CIT: variants seen among roughly 807,000 people sequenced by gnomAD.
The protein encoded by CIT is citron rho-interacting serine/threonine kinase.
A neutral mutation model predicts 272.7 loss-of-function variants in CIT; 79 were observed. The ratio of observed to expected loss-of-function variants is 0.29; its 90% CI spans 0.24 to 0.35. The LOEUF (loss-of-function observed/expected upper bound fraction) is 0.35, where lower values mean the gene tolerates loss of function less well. CIT is among the 10% of genes least tolerant of loss of function. The pLI, the probability that CIT is intolerant of heterozygous loss-of-function variation, is 1.00. For missense variants in CIT, 1,909 were observed against 2,618.3 expected, an observed-to-expected ratio of 0.73 and a Z score of 5.91; for synonymous variants, 948 against 995.6, an observed-to-expected ratio of 0.95 and a Z score of 0.90.
chr12:119,688,275 G>GAGA lies in CIT; in HGVS notation c.6187-21_6187-20insTCT, dbSNP rs2136891430. 1 of 1,613,374 alleles carries GAGA rather than the reference G, an allele frequency of 6.2e-7. No homozygotes were observed. Among genetic ancestry groups the GAGA allele is most frequent in the Non-Finnish European group, 8.5e-7 (1 of 1,179,300 alleles). ...CCAGACCTAGGAGTGAAATAAGGAGGAGTGTTAGCCATCCGAGGCCAGAAG... is the reference window on the plus strand; with the variant it reads ...CCAGACCTAGGAGTGAAATAAGGAGGAGAAGTGTTAGCCATCCGAGGCCAGAAG... On this transcript the variant is annotated intron_variant, in intron 47 of 47. Coordinates refer to ENST00000392521, the MANE Select transcript of CIT (RefSeq NM_001206999.2).
At chr12:119,825,461 C>A in intron 7 of CIT, 93 bp from the exon 8 acceptor site, 1 of 1,161,668 alleles carries the variant, frequency 8.6e-7, no homozygotes. Flanking sequence ...GCTGATTTGC[C>A]ACTGATTACT....
intron 26 of CIT, among the ~76,000 whole-genome samples, chr12:119,733,233 A>G (rs1031955909): frequency 2.9e-5 from 4 of 139,992 alleles, no homozygotes; most frequent in African/African-American, 7.7e-5. Flanking sequence ...AAGAAAGGAG[A>G]AAAAAAAAAA....
At chr12:119,706,495 G>A (rs929881245) in intron 40 of CIT, among the ~76,000 whole-genome samples, 2 of 151,838 alleles carry the variant, frequency 1.3e-5, no homozygotes, top group African/African-American at 2.4e-5. Flanking sequence ...GTGTCCATGT[G>A]TTCTCATCAT....
intron 44 of CIT, among the ~76,000 whole-genome samples, chr12:119,698,350 G>A (rs1956348585): frequency 1.3e-5 from 2 of 152,190 alleles, no homozygotes; most frequent in Admixed American, 6.5e-5. Flanking sequence ...AGCACTTTGG[G>A]AGGCCAAGGC....
intron 14 of CIT, 117 bp downstream of exon 14, chr12:119,776,554 AG>A: frequency 8.7e-7 from 1 of 1,155,570 alleles, no homozygotes; most frequent in Non-Finnish European, 1.2e-6. Context: ...GAGTTTTCCA[AG>A]GTATCCTACT....
chr12:119,711,409 C>T (rs760178702), intron 37 of CIT, among the ~76,000 whole-genome samples: 10 of 152,138 alleles, frequency 6.6e-5, no homozygotes, highest in Non-Finnish European at 1.2e-4. Context: ...AACCTGCCTA[C>T]GGAAGAGCAA....
chr12:119,792,081 T>C (rs980237655), intron 10 of CIT, among the ~76,000 whole-genome samples: 6 of 152,196 alleles, frequency 3.9e-5, no homozygotes, highest in Admixed American at 2.6e-4. Context: ...GAGAATACAA[T>C]GTGTACTCCT....
chr12:119,711,297 A>G (rs1056524776), intron 37 of CIT, among the ~76,000 whole-genome samples: 1 of 152,234 alleles, frequency 6.6e-6, no homozygotes, highest in Non-Finnish European at 1.5e-5. Flanking sequence ...GCAAACGTCA[A>G]TGAGCAATGA....
chr12:119,840,958 G>C (rs1969369355), intron 5 of CIT, among the ~76,000 whole-genome samples: 1 of 152,108 alleles, frequency 6.6e-6, no homozygotes. Flanking sequence ...CTTTCAAATT[G>C]TTCCTATATA....
chr12:119,831,592 G>A (rs1410460545), intron 7 of CIT, among the ~76,000 whole-genome samples: 3 of 152,202 alleles, frequency 2.0e-5, no homozygotes, highest in Non-Finnish European at 2.9e-5. Context: ...AAAAAGAGCC[G>A]GGCGCAGTGG....
chr12:119,826,885 G>GT (rs1232788780), intron 7 of CIT, among the ~76,000 whole-genome samples: 11 of 152,268 alleles, frequency 7.2e-5, no homozygotes, highest in African/African-American at 2.6e-4. Context: ...TGAATGTTTA[G>GT]TGAGGACGTG....
At chr12:119,726,876 A>T (rs1421736054) in intron 28 of CIT, among the ~76,000 whole-genome samples, 1 of 152,192 alleles carries the variant, frequency 6.6e-6, no homozygotes, top group Non-Finnish European at 1.5e-5. Context: ...CCATCACGTA[A>T]GGGATGGGTT....
chr12:119,793,500 A>G (rs1465978804), intron 10 of CIT, among the ~76,000 whole-genome samples: 2 of 152,154 alleles, frequency 1.3e-5, no homozygotes, highest in Admixed American at 6.5e-5. Flanking sequence ...CCTATTCAAA[A>G]TCCTGCAAAA....
In CIT at chr12:119,868,090, G is replaced by C. The variant is rs538873679; in HGVS notation, c.238+970C>G. ...CAGAGAAAAAAGCAAAAATTAGCTGGGCGTGGTAGTGTGAGCCTGTAGTCC... is the reference window on the plus strand; with the variant it reads ...CAGAGAAAAAAGCAAAAATTAGCTGCGCGTGGTAGTGTGAGCCTGTAGTCC... On this transcript the variant is annotated intron_variant, in intron 3 of 47. Coordinates refer to ENST00000392521, the MANE Select transcript of CIT (RefSeq NM_001206999.2). Among the ~76,000 whole-genome samples the C allele has an allele frequency of 5.3e-5, 8 of 152,156 alleles. No individual in the cohort carries two copies. The South Asian group carries it at 1.5e-3, about 28-fold the overall frequency.
rs776381451 is a variant in CIT at position 119,735,228 on chromosome 12, G to A, written c.3088C>T (p.Arg1030Ter). 2 of 1,614,000 alleles carry A rather than the reference G, an allele frequency of 1.2e-6. No homozygotes were observed. Among genetic ancestry groups the A allele is most frequent in the South Asian group, 1.1e-5 (1 of 91,078 alleles). ...SGANDEIVQLRSEVDHLRREI... is the reference protein window; with the variant it reads ...SGANDEIVQL ...CGGCGGAGATGGTCCACTTCACTTCGCAGTTGTACAATCTCGTCGTTGGCG... is the reference window on the plus strand; with the variant it reads ...CGGCGGAGATGGTCCACTTCACTTCACAGTTGTACAATCTCGTCGTTGGCG... Residue 1030 changes from arginine to a stop codon, truncating the protein, a stop_gained, in exon 25 of 48, where the codon CGA becomes TGA. Coordinates refer to ENST00000392521, the MANE Select transcript of CIT (RefSeq NM_001206999.2). LOFTEE classifies it high-confidence loss of function.
chr12:119,695,991 C>G (rs1031237903), intron 46 of CIT, among the ~76,000 whole-genome samples: 10 of 152,186 alleles, frequency 6.6e-5, no homozygotes, highest in African/African-American at 2.4e-4. Flanking sequence ...CAAATATTTT[C>G]AATCCATGGT....
At chr12:119,699,450 ATTAGACTT>A (rs2136969454) in intron 44 of CIT, among the ~76,000 whole-genome samples, 1 of 152,302 alleles carries the variant, frequency 6.6e-6, no homozygotes, top group African/African-American at 2.4e-5. Flanking sequence ...AAGACTTGGT[ATTAGACTT>A]TTAAAGTCAT....
chr12:119,851,785 C>T (rs1970237101), intron 4 of CIT, among the ~76,000 whole-genome samples: 1 of 152,160 alleles, frequency 6.6e-6, no homozygotes, highest in African/African-American at 2.4e-5. Flanking sequence ...GCCTGTAATC[C>T]CAGCACTTCG....
chr12:119,841,569 A>G (rs1016544486), intron 5 of CIT, among the ~76,000 whole-genome samples: 2 of 152,186 alleles, frequency 1.3e-5, no homozygotes, highest in Non-Finnish European at 2.9e-5. Context: ...TTAGCTTGAC[A>G]GAGGCCACAC....
Sources: gnomAD v4.1 joint callset for allele counts (sites outside exome capture counted in the v4.1 genomes callset) on GRCh38, gnomAD v4.1.1 for gene constraint, MANE v1.5 for transcripts, NCBI Gene and HGNC (gene_info 2026-07-23, HGNC 2026-07-21) for gene names.